The following UNC13C variants were observed in gnomAD, a reference collection of about 807,000 sequenced individuals.
UNC13C encodes the protein protein unc-13 homolog C.
A neutral mutation model predicts 245.4 loss-of-function variants in UNC13C; 174 were observed. The observed-to-expected ratio is 0.71, with a 90% confidence interval of 0.63 to 0.80. The LOEUF is 0.80. Among genes scored for constraint, UNC13C ranks in the 30% least tolerant of loss-of-function variants. The pLI is 0.00. For synonymous variants in UNC13C, 992 were observed against 895.1 expected, an observed-to-expected ratio of 1.11 and a Z score of -1.93; for missense variants, 2,829 against 2,602.9, an observed-to-expected ratio of 1.09 and a Z score of -1.89.
At chr15:54,222,250 CT>C (rs1252925753) in intron 4 of UNC13C, among the ~76,000 whole-genome samples, 1 of 151,976 alleles carries the variant, frequency 6.6e-6, no homozygotes, top group African/African-American at 2.4e-5. Flanking sequence ...CCACCCACCC[CT>C]ACCCTTCCCA....
intron 6 of UNC13C, among the ~76,000 whole-genome samples, chr15:54,237,304 T>G (rs559201963): frequency 5.5e-4 from 84 of 152,256 alleles, no homozygotes; most frequent in Admixed American, 9.8e-4. Flanking sequence ...TAAGAAAGTT[T>G]GAGAAGCCTC....
intron 4 of UNC13C, among the ~76,000 whole-genome samples, chr15:54,221,750 A>C (rs888832906): frequency 2.0e-5 from 3 of 152,076 alleles, no homozygotes; most frequent in Admixed American, 6.6e-5. Flanking sequence ...TCTCAGACCC[A>C]CAGTCTTCAA....
At chr15:53,902,609 A>G in the UNC13C span, among the ~76,000 whole-genome samples, 473 of 152,268 alleles carry the variant, frequency 3.1e-3, 3 homozygotes, top group African/African-American at 0.011. Context: ...TAACTTATTT[A>G]ATTAACTCAT....
In UNC13C at chr15:54,236,414, C is replaced by A; in HGVS notation, c.3151-16C>A. 2 of 1,589,472 alleles carry A rather than the reference C, an allele frequency of 1.3e-6. No homozygotes were observed. The highest frequency in any genetic ancestry group is 1.3e-5 in the African/African-American group (1 of 74,796). On this transcript the variant is annotated splice_polypyrimidine_tract_variant and intron_variant, in intron 5 of 32. Transcript: ENST00000260323. ...ATTATTTACATTTTGTTTCCTCTCA[C>A]TTCTGGAATCTTCAGGCCATGGTAA...
chr15:54,484,721 T>C (rs1299929664), intron 19 of UNC13C, among the ~76,000 whole-genome samples: 1 of 152,166 alleles, frequency 6.6e-6, no homozygotes, highest in Non-Finnish European at 1.5e-5. Flanking sequence ...AAGAGCTTAG[T>C]TGAAATCTAC....
intron 4 of UNC13C, among the ~76,000 whole-genome samples, chr15:54,158,508 A>T (rs1482612710): frequency 1.3e-5 from 2 of 151,970 alleles, no homozygotes; most frequent in African/African-American, 4.8e-5. Flanking sequence ...TTTAGTAGAG[A>T]CGGGATTTCA....
intron 18 of UNC13C, among the ~76,000 whole-genome samples, chr15:54,397,472 C>T (rs1216744295): frequency 6.6e-6 from 1 of 151,378 alleles, no homozygotes; most frequent in East Asian, 1.9e-4. Context: ...ATTTACTCAA[C>T]TTTGTTTATA....
At position 54,322,019 on chromosome 15, in the gene UNC13C, CT is replaced by C; in HGVS notation, c.4354del (p.Tyr1452MetfsTer29). On this transcript the variant is annotated frameshift_variant, in exon 14 of 33. Transcript: ENST00000260323. LOFTEE classifies it high-confidence loss of function. ...AGCACCTTGCTGGCTAATATAAATG[CT>C]TTTTATGCTCACACAACAGTTTCAA... The part of the protein sequence containing the change: ...VMSTLLANIN[A>X]FYAHTTVSTN... The C allele has an allele frequency of 6.3e-7, 1 of 1,589,036 alleles. No homozygotes were observed. The highest frequency in any genetic ancestry group is 8.6e-7 in the Non-Finnish European group (1 of 1,166,258).
intron 26 of UNC13C, among the ~76,000 whole-genome samples, chr15:54,539,598 C>A (rs1376602306): frequency 1.3e-5 from 2 of 151,972 alleles, no homozygotes; most frequent in African/African-American, 2.4e-5. Flanking sequence ...CAGGCCCAAG[C>A]GATCCCAATT....
At chr15:54,166,046 G>T (rs1248632747) in intron 4 of UNC13C, among the ~76,000 whole-genome samples, 2 of 152,038 alleles carry the variant, frequency 1.3e-5, no homozygotes, top group Non-Finnish European at 2.9e-5. Context: ...ATTAAGGTTT[G>T]TAGGAGTTAT....
At chr15:54,572,575 G>A (rs1008225544) in intron 30 of UNC13C, among the ~76,000 whole-genome samples, 14 of 151,546 alleles carry the variant, frequency 9.2e-5, no homozygotes, top group African/African-American at 2.4e-4. Context: ...ATAGGTGCAC[G>A]CCACCATGCC....
chr15:54,155,514 A>G (rs2032705411), intron 4 of UNC13C, among the ~76,000 whole-genome samples: 1 of 152,230 alleles, frequency 6.6e-6, no homozygotes, highest in Non-Finnish European at 1.5e-5. Flanking sequence ...TATATTCACA[A>G]TTAAATATTC....
At chr15:54,142,868 T>G in intron 2 of UNC13C, 150 bp from the exon 3 acceptor site, 1 of 660,420 alleles carries the variant, frequency 1.5e-6, no homozygotes, top group Non-Finnish European at 2.6e-6. Flanking sequence ...CCAACTATCC[T>G]TGTACCCTTG....
the UNC13C span, among the ~76,000 whole-genome samples, chr15:53,945,354 T>G: frequency 6.6e-6 from 1 of 152,278 alleles, no homozygotes; most frequent in African/African-American, 2.4e-5. Flanking sequence ...CTAGGTTATC[T>G]TCTAGAGTTT....
At chr15:54,227,010 A>G in intron 4 of UNC13C, among the ~76,000 whole-genome samples, 1 of 151,638 alleles carries the variant, frequency 6.6e-6, no homozygotes, top group Non-Finnish European at 1.5e-5. Context: ...TTATGTTACA[A>G]CTCTTTTAGT....
intron 2 of UNC13C, among the ~76,000 whole-genome samples, chr15:54,066,686 T>C (rs1898091592): frequency 6.6e-6 from 1 of 152,148 alleles, no homozygotes; most frequent in African/African-American, 2.4e-5. Flanking sequence ...TCATGAAGTT[T>C]CTAGGCAGTG....
At chr15:53,873,585 G>A in the UNC13C span, among the ~76,000 whole-genome samples, 127 of 152,232 alleles carry the variant, frequency 8.3e-4, no homozygotes, top group Middle Eastern at 3.4e-3. Flanking sequence ...TCATCTAGCA[G>A]TCTATATAAA....
intron 14 of UNC13C, among the ~76,000 whole-genome samples, chr15:54,328,516 C>A (rs577121475): frequency 6.6e-6 from 1 of 152,046 alleles, no homozygotes; most frequent in South Asian, 2.1e-4. Flanking sequence ...AAGGTGAGGG[C>A]TGAAGAGCTT....
At chr15:54,353,337 A>G (rs1167840091) in intron 17 of UNC13C, among the ~76,000 whole-genome samples, 1 of 152,218 alleles carries the variant, frequency 6.6e-6, no homozygotes, top group Non-Finnish European at 1.5e-5. Flanking sequence ...TTAAAATAAT[A>G]TGGTTTCTGT....
Sources: allele counts gnomAD v4.1 joint callset (sites outside exome capture counted in the v4.1 genomes callset), GRCh38; gene constraint gnomAD v4.1.1; transcripts MANE v1.5; gene names NCBI Gene and HGNC (gene_info 2026-07-23, HGNC 2026-07-21).